SMC1B: variants seen among roughly 807,000 people sequenced by gnomAD.
The protein encoded by SMC1B is structural maintenance of chromosomes 1B, also known as structural maintenance of chromosomes protein 1B.
In SMC1B, 60 loss-of-function variants were observed where a neutral mutation model predicts 157.9. The observed-to-expected ratio is 0.38, with a 90% CI of 0.31 to 0.47. The LOEUF (loss-of-function observed/expected upper bound fraction) is 0.47. SMC1B is among the 20% of genes least tolerant of loss of function. The probability of loss-of-function intolerance (pLI) is 0.99; values close to 1 mark genes in which losing one functional copy is unlikely to be tolerated. For synonymous variants in SMC1B, 445 were observed against 483.0 expected (o/e 0.92, Z 1.03); for missense variants, 1,165 against 1,426.2 (o/e 0.82, Z 2.95).
At chr22:45,366,958 G>A (rs2086782254) in intron 15 of SMC1B, among the ~76,000 whole-genome samples, 1 of 152,052 alleles carries the variant, frequency 6.6e-6, no homozygotes, top group Non-Finnish European at 1.5e-5. Flanking sequence ...TTCAGCAAAT[G>A]TATTTATCAG....
intron 10 of SMC1B, among the ~76,000 whole-genome samples, chr22:45,388,855 G>A (rs1167240119): frequency 6.6e-6 from 1 of 151,468 alleles, no homozygotes; most frequent in Non-Finnish European, 1.5e-5. Flanking sequence ...GGGCGTGCTG[G>A]CACATACCTG....
intron 19 of SMC1B, among the ~76,000 whole-genome samples, chr22:45,357,895 G>A (rs1324821601): frequency 6.6e-6 from 1 of 152,164 alleles, no homozygotes; most frequent in African/African-American, 2.4e-5. Context: ...GCTGACTGTT[G>A]GAGGATGGGG....
At chr22:45,372,785 T>C (rs1569183411) in intron 12 of SMC1B, among the ~76,000 whole-genome samples, 1 of 146,340 alleles carries the variant, frequency 6.8e-6, no homozygotes, top group Non-Finnish European at 1.5e-5. Context: ...CAATCTTGGC[T>C]CACTGCAAGC....
At chr22:45,346,726 T>G (rs140477219) in intron 23 of SMC1B, among the ~76,000 whole-genome samples, 4 of 152,264 alleles carry the variant, frequency 2.6e-5, no homozygotes, top group Non-Finnish European at 4.4e-5. Context: ...GGGCCCATAA[T>G]AGGAAAAGAA....
In SMC1B at chr22:45,364,642, G is replaced by A. The variant is rs190943165; in HGVS notation, c.2421-1616C>T. On this transcript the variant is annotated intron_variant, in intron 15 of 24. Transcript: ENST00000357450. ...ATCCGTGACCACACTGCCTGTAGGA[G>A]AGCTTAAGAAATTTATTTGTGCTGC... Among the ~76,000 whole-genome samples, 829 of 152,218 alleles carry A rather than the reference G, an allele frequency of 5.4e-3. 5 individuals carry two copies. The highest frequency in any genetic ancestry group is 0.019 in the African/African-American group (787 of 41,534).
At chr22:45,372,861 C>T (rs1243347242) in intron 12 of SMC1B, among the ~76,000 whole-genome samples, 4 of 151,894 alleles carry the variant, frequency 2.6e-5, no homozygotes, top group East Asian at 3.9e-4. Flanking sequence ...TACAGGCACC[C>T]GCCAGCAGGC....
At chr22:45,404,004 C>A (rs1382538838) in intron 4 of SMC1B, among the ~76,000 whole-genome samples, 1 of 152,160 alleles carries the variant, frequency 6.6e-6, no homozygotes, top group Non-Finnish European at 1.5e-5. Flanking sequence ...TGCAGTGGTG[C>A]AATCTCGGCT....
chr22:45,349,171 C>G (rs553555657), intron 23 of SMC1B, among the ~76,000 whole-genome samples: 2 of 149,690 alleles, frequency 1.3e-5, no homozygotes, highest in East Asian at 4.0e-4. Flanking sequence ...CCCACCACCA[C>G]GCCTAGCTAA....
chr22:45,349,155 C>T (rs1268306818), intron 23 of SMC1B, among the ~76,000 whole-genome samples: 1 of 150,928 alleles, frequency 6.6e-6, no homozygotes, highest in African/African-American at 2.4e-5. Flanking sequence ...GCTGGGATTA[C>T]AGGCACCCAC....
At chr22:45,369,627 C>T (rs903838629) in intron 15 of SMC1B, among the ~76,000 whole-genome samples, 1 of 150,884 alleles carries the variant, frequency 6.6e-6, no homozygotes, top group African/African-American at 2.4e-5. Context: ...ACTGCAAGCT[C>T]CGCCTCCTGG....
intron 4 of SMC1B, among the ~76,000 whole-genome samples, chr22:45,405,476 C>T (rs2065734029): frequency 6.6e-6 from 1 of 151,794 alleles, no homozygotes; most frequent in South Asian, 2.1e-4. Context: ...GGCGTGAACC[C>T]AGGAGGCGGA....
At chr22:45,401,623 T>C (rs2087194890) in intron 5 of SMC1B, among the ~76,000 whole-genome samples, 1 of 152,220 alleles carries the variant, frequency 6.6e-6, no homozygotes, top group Non-Finnish European at 1.5e-5. Context: ...GCAAATGGAA[T>C]ACCTGATCTG....
At chr22:45,348,092 A>G (rs143376613) in intron 23 of SMC1B, among the ~76,000 whole-genome samples, 121 of 152,324 alleles carry the variant, frequency 7.9e-4, no homozygotes, top group African/African-American at 2.8e-3. Context: ...TTGGGCTGAG[A>G]GCCCAGCTCT....
intron 1 of SMC1B, among the ~76,000 whole-genome samples, chr22:45,412,234 CTT>C: frequency 6.7e-6 from 1 of 149,450 alleles, no homozygotes; most frequent in East Asian, 2.0e-4. Context: ...AAGTCTCGCT[CTT>C]GTTACCCAGG....
At chr22:45,406,918 T>A in intron 2 of SMC1B, 53 bp from the exon 3 acceptor site, 1 of 1,252,602 alleles carries the variant, frequency 8.0e-7, no homozygotes, top group Non-Finnish European at 1.1e-6. Context: ...CAGATATACC[T>A]CAAAATCCAC....
intron 5 of SMC1B, among the ~76,000 whole-genome samples, chr22:45,401,971 C>T (rs1172056518): frequency 1.3e-5 from 2 of 152,092 alleles, no homozygotes; most frequent in Non-Finnish European, 2.9e-5. Context: ...GCAAGCTCCA[C>T]CTCCCAGGTT....
intron 1 of SMC1B, among the ~76,000 whole-genome samples, chr22:45,409,688 A>G (rs1358010506): frequency 6.6e-6 from 1 of 152,192 alleles, no homozygotes; most frequent in Non-Finnish European, 1.5e-5. Context: ...GGTGCTACAG[A>G]AAATTTATAT....
intron 9 of SMC1B, among the ~76,000 whole-genome samples, chr22:45,391,249 G>GTTATTATT (rs1482077986): frequency 9.7e-4 from 147 of 152,052 alleles, no homozygotes; most frequent in Non-Finnish European, 2.1e-4. Flanking sequence ...ATTTGTCTAT[G>GTTATTATT]TTATTTATTA....
intron 12 of SMC1B, among the ~76,000 whole-genome samples, chr22:45,376,031 A>G (rs1394946962): frequency 6.6e-6 from 1 of 152,182 alleles, no homozygotes; most frequent in African/African-American, 2.4e-5. Context: ...TACTTGTGGT[A>G]AAATATACGT....
Sources: gnomAD v4.1 joint callset for allele counts (sites outside exome capture counted in the v4.1 genomes callset) on GRCh38, gnomAD v4.1.1 for gene constraint, MANE v1.5 for transcripts, NCBI Gene and HGNC (gene_info 2026-07-23, HGNC 2026-07-21) for gene names.